DEGS2: variants seen among roughly 807,000 people sequenced by gnomAD.
DEGS2 encodes sphingolipid delta(4)-desaturase/C4-monooxygenase DES2.
DEGS2 carries 19 observed loss-of-function variants against 23.8 expected under a neutral mutation model. The ratio of observed to expected loss-of-function variants is 0.80; its 90% CI spans 0.56 to 1.17. The LOEUF is 1.17. Among genes scored for constraint, DEGS2 ranks in the 50% most tolerant of loss-of-function variants. The pLI is 0.00. For synonymous variants in DEGS2, 218 were observed against 213.7 expected, an observed-to-expected ratio of 1.02 and a Z score of -0.18; for missense variants, 390 against 459.5, an observed-to-expected ratio of 0.85 and a Z score of 1.38.
chr14:100,156,652 G>C (rs1055502253), intron 1 of DEGS2, among the ~76,000 whole-genome samples: 3 of 152,198 alleles, frequency 2.0e-5, no homozygotes, highest in Non-Finnish European at 4.4e-5. Context: ...GCCCCAAAGA[G>C]CCCAGAGCCC....
chr14:100,165,974 TGTCTGGGGGAGTAGGGGG>T, the DEGS2 span, among the ~76,000 whole-genome samples: 1 of 64,540 alleles, frequency 1.5e-5, no homozygotes, highest in South Asian at 9.2e-4. Flanking sequence ...GGGGGGAGCC[TGTCTGGGGGAGTAGGGGG>T]AGCCTGCCCG....
chr14:100,152,460 C>T (rs1475186574), intron 1 of DEGS2, among the ~76,000 whole-genome samples: 3 of 152,144 alleles, frequency 2.0e-5, no homozygotes, highest in African/African-American at 4.8e-5. Flanking sequence ...GAGGAAGGCC[C>T]GCCCACAATG....
In DEGS2 at chr14:100,148,977, G is replaced by C. The variant is rs1257176107; in HGVS notation, c.816C>G (p.Asn272Lys). ...CAGCCCAGCCACATACCAGCGGCAGGTTGTAGCCCGGGATGCTGGGGAAGT... is the reference window on the plus strand; with the variant it reads ...CAGCCCAGCCACATACCAGCGGCAGCTTGTAGCCCGGGATGCTGGGGAAGT... ...HHDFPSIPGY[N>K]LPLVRKIAPE... The change falls in exon 2 of 3, where the codon AAC (asparagine) becomes AAG (lysine). Residue 272 changes from asparagine (N) to lysine (K), a missense_variant. Asn to Lys is a moderately conservative substitution (Grantham distance 94). Transcript: ENST00000305631. The C allele has an allele frequency of 9.9e-6, 16 of 1,612,042 alleles. No homozygotes were observed. Among genetic ancestry groups the C allele is most frequent in the Non-Finnish European group, 1.2e-5 (14 of 1,179,380 alleles).
At chr14:100,165,933 CGGAGAGTCAGGGGAGCCTGCCT>C in the DEGS2 span, among the ~76,000 whole-genome samples, 1 of 93,156 alleles carries the variant, frequency 1.1e-5, no homozygotes, top group Admixed American at 1.2e-4. Context: ...GGAGCCTGCC[CGGAGAGTCAGGGGAGCCTGCCT>C]GGGAGAGTGG....
At chr14:100,154,895 C>T (rs1889633993) in intron 1 of DEGS2, among the ~76,000 whole-genome samples, 1 of 152,212 alleles carries the variant, frequency 6.6e-6, no homozygotes, top group Non-Finnish European at 1.5e-5. Context: ...TCCACCCCTG[C>T]CCCTCCTGAC....
At chr14:100,150,110 C>A (rs1361377984) in intron 1 of DEGS2, among the ~76,000 whole-genome samples, 2 of 152,210 alleles carry the variant, frequency 1.3e-5, no homozygotes, top group East Asian at 3.8e-4. Flanking sequence ...ACCCAGCGCC[C>A]GCAGCAAAGT....
upstream of DEGS2, among the ~76,000 whole-genome samples, chr14:100,163,511 C>A (rs1004668491): frequency 6.6e-6 from 1 of 152,086 alleles, no homozygotes; most frequent in Admixed American, 6.6e-5. Context: ...GTGGAGGAAT[C>A]GAGACATGAG....
rs1471580122 is a variant in DEGS2 at position 100,144,118 on chromosome 14, A to C, written c.*2643T>G. The C allele has an allele frequency of 1.9e-5, 6 of 314,348 alleles. No homozygotes were observed. In the East Asian group the frequency reaches 4.7e-4, roughly 25 times the overall value. The allele number at this position is 314,348 out of a possible 1,614,324, so 19.5% of individuals were successfully genotyped here. ...GTGACAGCCGGCCCAGCGTGGCGCC[A>C]CCACACACCGCAGAGCTGTCCAGGC... On this transcript the variant is annotated 3_prime_UTR_variant, in exon 3 of 3. Transcript: ENST00000305631.
chr14:100,154,846 C>A (rs1488408564), intron 1 of DEGS2, among the ~76,000 whole-genome samples: 1 of 152,122 alleles, frequency 6.6e-6, no homozygotes, highest in Non-Finnish European at 1.5e-5. Context: ...AGAGACAGGG[C>A]CCCCCCACGC....
chr14:100,160,756 G>C (rs904493940), upstream of DEGS2, among the ~76,000 whole-genome samples: 2 of 152,210 alleles, frequency 1.3e-5, no homozygotes, highest in Admixed American at 6.5e-5. Context: ...GCCTTCCTTA[G>C]CTCAGGGCCA....
chr14:100,159,491 C>CCG lies in DEGS2; in HGVS notation c.82+13_82+14dup. ...GGGGCGGTCCCCACCGGGGTGGGCC[C>CCG]CGCGCGGCGCTCACCCAGTATCTCC... On this transcript the variant is annotated intron_variant, in intron 1 of 2. Coordinates refer to ENST00000305631, the MANE Select transcript of DEGS2 (RefSeq NM_206918.3). 6.7e-7 allele frequency: 1 copy of CCG among 1,484,582 alleles called. No homozygotes were observed. Among genetic ancestry groups the CCG allele is most frequent in the South Asian group, 1.3e-5 (1 of 78,122 alleles). 92.0% of individuals were successfully genotyped at this position (1,484,582 alleles called of 1,614,324 possible). A position where few individuals can be genotyped will look rare whatever the true frequency, so the allele number is the denominator to read the frequency against.
chr14:100,147,020 C>A, intron 2 of DEGS2, 113 bp from the exon 3 acceptor site: 1 of 1,323,494 alleles, frequency 7.6e-7, no homozygotes, highest in Non-Finnish European at 1.0e-6. Flanking sequence ...TATTCATGTA[C>A]GAACATGTTT....
intron 2 of DEGS2, among the ~76,000 whole-genome samples, chr14:100,148,097 G>A (rs187547212): frequency 1.2e-4 from 19 of 152,284 alleles, no homozygotes; most frequent in Admixed American, 3.3e-4. Flanking sequence ...AGAGTCACAC[G>A]GGCCACAGTG....
Position 100,149,112 on chromosome 14 carries a change from G to GC in DEGS2, c.680dup (p.His228ProfsTer76), listed in dbSNP as rs780964812. ...ACATGTAGTGCTCGGCCACGAAGTG[G>GC]CCCGAGATGGGGTGCAGGCCCAGGC... is the stretch of plus-strand genomic sequence containing the variant. On this transcript the variant is annotated frameshift_variant, in exon 2 of 3. Coordinates refer to ENST00000305631, the MANE Select transcript of DEGS2 (RefSeq NM_206918.3). LOFTEE classifies it high-confidence loss of function. 6.2e-7 allele frequency: 1 copy of GC among 1,612,998 alleles called. No individual in the cohort carries two copies. The highest frequency in any genetic ancestry group is 8.5e-7 in the Non-Finnish European group (1 of 1,179,996).
At chr14:100,155,329 C>T (rs917751099) in intron 1 of DEGS2, among the ~76,000 whole-genome samples, 1 of 152,202 alleles carries the variant, frequency 6.6e-6, no homozygotes, top group Admixed American at 6.5e-5. Context: ...TAATCCCCTC[C>T]TTCCTAAACT....
In DEGS2 at chr14:100,148,994, T is replaced by TGGG; in HGVS notation, c.796_798dup (p.Pro266dup). 6.2e-7 allele frequency: 1 copy of TGGG among 1,612,602 alleles called. No homozygotes were observed. The highest frequency in any genetic ancestry group is 8.5e-7 in the Non-Finnish European group (1 of 1,179,810). On this transcript the variant is annotated inframe_insertion, in exon 2 of 3. Coordinates refer to ENST00000305631, the MANE Select transcript of DEGS2 (RefSeq NM_206918.3). ...AGCGGCAGGTTGTAGCCCGGGATGC[T>TGGG]GGGGAAGTCGTGGTGCTCCACGTGG...
intron 2 of DEGS2, among the ~76,000 whole-genome samples, chr14:100,147,882 G>A (rs935532071): frequency 2.0e-5 from 3 of 151,904 alleles, no homozygotes; most frequent in East Asian, 1.9e-4. Context: ...TCTCCCCTCC[G>A]CCCCGTCACC....
chr14:100,162,367 TAAATA>T (rs1334331964), upstream of DEGS2, among the ~76,000 whole-genome samples: 2 of 146,652 alleles, frequency 1.4e-5, no homozygotes, highest in South Asian at 2.1e-4. Context: ...TAAATAAAAA[TAAATA>T]AAATAAATAA....
At chr14:100,161,075 C>A (rs950998985), upstream of DEGS2, among the ~76,000 whole-genome samples, 2 of 152,240 alleles carry the variant, frequency 1.3e-5, no homozygotes, top group Admixed American at 6.5e-5. Flanking sequence ...AGATGAGGAG[C>A]GCCTTGCCTG....
Sources: gnomAD v4.1 joint callset for allele counts (sites outside exome capture counted in the v4.1 genomes callset) on GRCh38, gnomAD v4.1.1 for gene constraint, MANE v1.5 for transcripts, NCBI Gene and HGNC (gene_info 2026-07-23, HGNC 2026-07-21) for gene names.